Variants in CIB4 observed in about 807,000 individuals in gnomAD.
CIB4 encodes calcium and integrin-binding family member 4.
A neutral mutation model predicts 25.8 loss-of-function variants in CIB4; 25 were observed. The ratio of observed to expected loss-of-function variants is 0.97; its 90% CI spans 0.71 to 1.35. The LOEUF is 1.35. Among genes scored for constraint, CIB4 ranks in the 40% most tolerant of loss-of-function variants. CIB4 has a pLI of 0.00. For missense variants in CIB4, 235 were observed against 228.2 expected (o/e 1.03, Z -0.19); for synonymous variants, 75 against 81.4 (o/e 0.92, Z 0.42).
chr2:26,603,534 A>G (rs1284189645), intron 3 of CIB4, among the ~76,000 whole-genome samples: 3 of 152,238 alleles, frequency 2.0e-5, no homozygotes, highest in African/African-American at 7.2e-5. Context: ...ACTTGAAAAT[A>G]TCAATGATTT....
intron 4 of CIB4, among the ~76,000 whole-genome samples, chr2:26,584,786 C>T (rs796745814): frequency 7.2e-5 from 11 of 152,276 alleles, no homozygotes; most frequent in African/African-American, 2.2e-4. Flanking sequence ...CAGAGGGTTC[C>T]GGCCGTGGGG....
At chr2:26,618,449 C>T (rs564321542) in intron 3 of CIB4, among the ~76,000 whole-genome samples, 239 of 152,232 alleles carry the variant, frequency 1.6e-3, no homozygotes, top group African/African-American at 5.5e-3. Context: ...CCATGCCTGG[C>T]TAATTTTTTA....
intron 4 of CIB4, among the ~76,000 whole-genome samples, chr2:26,593,536 A>T (rs7577719): frequency 0.032 from 4,856 of 152,270 alleles, 284 homozygotes; most frequent in African/African-American, 0.11. Context: ...ATAATAGCTA[A>T]TTTTAAATCT....
chr2:26,588,440 G>A (rs1668496917), intron 4 of CIB4, among the ~76,000 whole-genome samples: 1 of 152,208 alleles, frequency 6.6e-6, no homozygotes, highest in African/African-American at 2.4e-5. Context: ...CACTTGGGAG[G>A]GGCTAGAGCC....
At chr2:26,626,653 G>C (rs1669311285) in intron 3 of CIB4, among the ~76,000 whole-genome samples, 1 of 152,114 alleles carries the variant, frequency 6.6e-6, no homozygotes, top group African/African-American at 2.4e-5. Context: ...AAATCATGTG[G>C]CCAAGACTCC....
At chr2:26,608,239 CAAAAA>C (rs34295840) in intron 3 of CIB4, among the ~76,000 whole-genome samples, 8 of 123,576 alleles carry the variant, frequency 6.5e-5, no homozygotes, top group Admixed American at 2.4e-4. Context: ...GACTCTGTCT[CAAAAA>C]AAAAAAAAAA....
intron 2 of CIB4, among the ~76,000 whole-genome samples, chr2:26,636,479 A>G (rs1332988703): frequency 6.6e-6 from 1 of 151,870 alleles, no homozygotes; most frequent in Non-Finnish European, 1.5e-5. Flanking sequence ...GGAACCCCTG[A>G]CTCCCTAATT....
At chr2:26,582,687 A>G in intron 6 of CIB4, 138 bp downstream of exon 6, 1 of 545,094 alleles carries the variant, frequency 1.8e-6, no homozygotes, top group Non-Finnish European at 3.3e-6. Flanking sequence ...GCTGACTCTG[A>G]AAGAATCTGC....
intron 3 of CIB4, chr2:26,623,559 C>T: frequency 2.1e-6 from 1 of 471,420 alleles, no homozygotes. Flanking sequence ...TTGGGAGATA[C>T]ATAGAAACCG....
intron 2 of CIB4, among the ~76,000 whole-genome samples, chr2:26,633,989 G>A (rs1669484456): frequency 6.6e-6 from 1 of 152,066 alleles, no homozygotes; most frequent in South Asian, 2.1e-4. Context: ...GCCTCTCTCT[G>A]GCATCCCATT....
intron 4 of CIB4, among the ~76,000 whole-genome samples, chr2:26,590,981 G>A (rs6750260): frequency 0.019 from 2,850 of 152,280 alleles, 92 homozygotes; most frequent in African/African-American, 0.065. Context: ...TCCCCATGTC[G>A]CAGCTGAACA....
intron 2 of CIB4, among the ~76,000 whole-genome samples, chr2:26,632,712 T>G (rs923794430): frequency 2.7e-5 from 4 of 150,376 alleles, no homozygotes; most frequent in African/African-American, 9.9e-5. Flanking sequence ...GAGCTGAGAT[T>G]GCGCCATTGC....
chr2:26,632,325 G>C (rs1164100018), intron 2 of CIB4, among the ~76,000 whole-genome samples: 1 of 152,224 alleles, frequency 6.6e-6, no homozygotes, highest in Non-Finnish European at 1.5e-5. Context: ...GCACACGTTT[G>C]GGAGGGAGCA....
intron 4 of CIB4, among the ~76,000 whole-genome samples, chr2:26,586,047 C>A (rs1235167046): frequency 6.6e-6 from 1 of 152,176 alleles, no homozygotes; most frequent in Non-Finnish European, 1.5e-5. Context: ...CCATGCACTA[C>A]CCCACCCTAG....
chr2:26,618,069 G>T (rs1669128975), intron 3 of CIB4, among the ~76,000 whole-genome samples: 2 of 152,162 alleles, frequency 1.3e-5, no homozygotes, highest in African/African-American at 4.8e-5. Context: ...GTGTGGTGAG[G>T]TGGAGGCCAT....
intron 3 of CIB4, among the ~76,000 whole-genome samples, chr2:26,615,670 G>A (rs1669078328): frequency 6.6e-6 from 1 of 152,220 alleles, no homozygotes; most frequent in Admixed American, 6.5e-5. Flanking sequence ...TGAAGACACT[G>A]AGGCCCTGAG....
At chr2:26,623,035 A>T (rs56714320) in intron 3 of CIB4, among the ~76,000 whole-genome samples, 26,639 of 151,500 alleles carry the variant, frequency 0.18, 3,464 homozygotes, top group African/African-American at 0.36. Context: ...ACTAAAAAAA[A>T]TTTTTTTTAA....
Position 26,595,218 on chromosome 2 carries a change from C to A in CIB4, c.286G>T (p.Ala96Ser), listed in dbSNP as rs887212934. 6.2e-7 allele frequency: 1 copy of A among 1,614,052 alleles called. No individual in the cohort carries two copies. The highest frequency in any genetic ancestry group is 8.5e-7 in the Non-Finnish European group (1 of 1,179,914). ...TACTCAATCTTCAGGCTTGGGCAGG[C>A]CTGCTCGCTGAACACAGATGCCATG... ...LGMASVFSEQ[A>S]CPSLKIEYAF... The change falls in exon 4 of 7, where the codon GCC becomes TCC. Residue 96 changes from alanine (A) to serine (S), a missense_variant. Physicochemically the swap from Ala to Ser is moderately conservative, Grantham distance 99. Coordinates refer to ENST00000288861, the MANE Select transcript of CIB4 (RefSeq NM_001029881.3).
chr2:26,634,910 G>A (rs1669502363), intron 2 of CIB4, among the ~76,000 whole-genome samples: 3 of 152,250 alleles, frequency 2.0e-5, no homozygotes, highest in South Asian at 4.1e-4. Context: ...AGAGTAGTCC[G>A]AAGAGCTCGG....
Sources: allele counts gnomAD v4.1 joint callset (sites outside exome capture counted in the v4.1 genomes callset), GRCh38; gene constraint gnomAD v4.1.1; transcripts MANE v1.5; gene names NCBI Gene and HGNC (gene_info 2026-07-23, HGNC 2026-07-21).